Variants in KLHL13 observed in about 807,000 individuals in gnomAD.
KLHL13 encodes the protein kelch like family member 13.
KLHL13 carries 10 observed loss-of-function variants against 37.1 expected under a neutral mutation model. The ratio of observed to expected loss-of-function variants is 0.27; its 90% confidence interval spans 0.17 to 0.46. The LOEUF (loss-of-function observed/expected upper bound fraction) is 0.46. Among genes scored for constraint, KLHL13 ranks in the 20% least tolerant of loss-of-function variants. The pLI is 1.00. For missense variants in KLHL13, 360 were observed against 509.3 expected (o/e 0.71, Z 2.82); for synonymous variants, 163 against 181.2 (o/e 0.90, Z 0.81).
intron 1 of KLHL13, among the ~76,000 whole-genome samples, chrX:117,980,574 ATAGAG>A (rs1191714924): frequency 8.9e-6 from 1 of 111,825 alleles, no homozygotes; most frequent in Non-Finnish European, 1.9e-5. Flanking sequence ...AAAAATACTT[ATAGAG>A]TAATCAAAAT....
chrX:118,108,196 T>A (rs753961558), intron 1 of KLHL13, among the ~76,000 whole-genome samples: 89 of 112,367 alleles, frequency 7.9e-4, no homozygotes, highest in African/African-American at 2.7e-3. Context: ...TATCTCCTTT[T>A]ACTGAATAGA....
intron 1 of KLHL13, among the ~76,000 whole-genome samples, chrX:118,002,652 G>A (rs5956841): frequency 0.064 from 6,986 of 108,331 alleles, 552 homozygotes; most frequent in African/African-American, 0.22. Flanking sequence ...ATAAAATGCT[G>A]TGGGATGGAA....
At chrX:117,909,555 G>A (rs1314523330) in exon 5 of KLHL13, 5 of 1,211,515 alleles carry the variant, frequency 4.1e-6, no homozygotes, top group Non-Finnish European at 4.5e-6. Flanking sequence ...GGGGGCTAAC[G>A]ATTTCCACTC....
chrX:118,077,397 G>A (rs2148124525), intron 1 of KLHL13, among the ~76,000 whole-genome samples: 1 of 109,606 alleles, frequency 9.1e-6, no homozygotes, highest in African/African-American at 3.3e-5. Context: ...GCCTTGTGGA[G>A]GGTGTGGGAG....
At chrX:118,041,363 C>CA (rs1177818871) in intron 1 of KLHL13, among the ~76,000 whole-genome samples, 2 of 110,658 alleles carry the variant, frequency 1.8e-5, no homozygotes, top group African/African-American at 6.6e-5. Context: ...CCTGTCTCTA[C>CA]AAAAAACACA....
intron 1 of KLHL13, among the ~76,000 whole-genome samples, chrX:118,076,978 G>A (rs1419669017): frequency 9.5e-6 from 1 of 105,443 alleles, no homozygotes; most frequent in African/African-American, 3.5e-5. Flanking sequence ...TAATGGTTCC[G>A]TTTCTCTCTG....
At chrX:118,078,402 T>G (rs751833552) in intron 1 of KLHL13, among the ~76,000 whole-genome samples, 1 of 111,639 alleles carries the variant, frequency 9.0e-6, no homozygotes, top group African/African-American at 3.2e-5. Context: ...ATTTCCTTGA[T>G]GTGGAATCAT....
At chrX:118,051,392 T>C (rs985344760) in intron 1 of KLHL13, among the ~76,000 whole-genome samples, 2 of 108,285 alleles carry the variant, frequency 1.8e-5, no homozygotes, top group African/African-American at 6.7e-5. Context: ...TACAAAAAAA[T>C]TGGCCGGGCG....
At chrX:117,927,961 A>G (rs764191189) in intron 2 of KLHL13, among the ~76,000 whole-genome samples, 18 of 112,158 alleles carry the variant, frequency 1.6e-4, no homozygotes, top group Non-Finnish European at 3.2e-4. Flanking sequence ...CTAATAAAAA[A>G]TTGACTTTTA....
intron 1 of KLHL13, among the ~76,000 whole-genome samples, chrX:118,005,590 G>T (rs777156002): frequency 9.0e-6 from 1 of 111,626 alleles, no homozygotes; most frequent in South Asian, 3.8e-4. Flanking sequence ...AAGCAGCAGA[G>T]GTTCAAGTGA....
intron 1 of KLHL13, among the ~76,000 whole-genome samples, chrX:117,995,724 T>G (rs1273430743): frequency 2.7e-5 from 3 of 111,979 alleles, no homozygotes; most frequent in Non-Finnish European, 5.6e-5. Flanking sequence ...TCTATTTTAG[T>G]ATTTCACATA....
At chrX:118,051,890 G>C (rs990438695) in intron 1 of KLHL13, among the ~76,000 whole-genome samples, 2 of 111,466 alleles carry the variant, frequency 1.8e-5, no homozygotes, top group Non-Finnish European at 3.8e-5. Context: ...ATCATGGCTG[G>C]TGTTTGGGGA....
chrX:117,906,984 G>C lies in KLHL13; in HGVS notation c.1366+2317C>G, dbSNP rs2064214202. Among the ~76,000 whole-genome samples, 3 of 111,302 alleles carry C rather than the reference G, an allele frequency of 2.7e-5. No homozygotes were observed. The South Asian group carries it at 1.1e-3, about 42-fold the overall frequency. ...ACCATTAGAGGGGAAATTTTTTTAA[G>C]TCATTATCCTTAGGTTAAGCTTTAG... On this transcript the variant is annotated intron_variant, in intron 5 of 6. Coordinates refer to ENST00000262820, the Ensembl canonical transcript of KLHL13.
intron 1 of KLHL13, among the ~76,000 whole-genome samples, chrX:117,960,466 T>C (rs2147856703): frequency 9.1e-6 from 1 of 110,413 alleles, no homozygotes; most frequent in South Asian, 3.9e-4. Context: ...TTTCACTCAG[T>C]AGATGTTACC....
intron 1 of KLHL13, among the ~76,000 whole-genome samples, chrX:118,099,192 T>G (rs1243795819): frequency 2.7e-5 from 3 of 111,532 alleles, no homozygotes; most frequent in Non-Finnish European, 5.7e-5. Flanking sequence ...TATATTATTT[T>G]CAAGTACAAA....
chrX:118,032,666 C>A (rs1455993168), intron 1 of KLHL13, among the ~76,000 whole-genome samples: 1 of 112,023 alleles, frequency 8.9e-6, no homozygotes, highest in Non-Finnish European at 1.9e-5. Flanking sequence ...AAACTGGAAA[C>A]TCTAAAAAGC....
At chrX:118,072,411 T>C (rs1455123574) in intron 1 of KLHL13, among the ~76,000 whole-genome samples, 2 of 112,345 alleles carry the variant, frequency 1.8e-5, no homozygotes, top group African/African-American at 3.2e-5. Flanking sequence ...ATTCAGGACA[T>C]AGGCATGGGC....
chrX:118,057,510 C>T (rs959195999), intron 1 of KLHL13, among the ~76,000 whole-genome samples: 2 of 112,250 alleles, frequency 1.8e-5, no homozygotes, highest in Non-Finnish European at 3.8e-5. Context: ...ACTTGTGCAT[C>T]ACTGGACATT....
At chrX:117,982,792 C>T (rs1258169795) in intron 1 of KLHL13, among the ~76,000 whole-genome samples, 2 of 111,889 alleles carry the variant, frequency 1.8e-5, no homozygotes, top group African/African-American at 6.5e-5. Context: ...CTGAATATCT[C>T]TTAGCTATAG....
Sources: gnomAD v4.1 joint callset for allele counts (sites outside exome capture counted in the v4.1 genomes callset) on GRCh38, gnomAD v4.1.1 for gene constraint, MANE v1.5 for transcripts, NCBI Gene and HGNC (gene_info 2026-07-23, HGNC 2026-07-21) for gene names.